OXSR1: variants seen among roughly 807,000 people sequenced by gnomAD.
OXSR1 encodes the protein serine/threonine-protein kinase OSR1.
OXSR1 carries 24 observed loss-of-function variants against 79.8 expected under a neutral mutation model. The ratio of observed to expected loss-of-function variants is 0.30; its 90% CI spans 0.22 to 0.42. OXSR1 has a LOEUF of 0.42. OXSR1 is among the 10% of genes least tolerant of loss of function. The pLI is 1.00. For missense variants in OXSR1, 430 were observed against 618.4 expected, an observed-to-expected ratio of 0.70 and a Z score of 3.23; for synonymous variants, 226 against 209.2, an observed-to-expected ratio of 1.08 and a Z score of -0.69.
chr3:38,255,044 TG>T lies in OXSR1; in HGVS notation c.*2154del, dbSNP rs1412966816. 6.6e-6 allele frequency: 1 copy of T among 152,624 alleles called. No homozygotes were observed. The highest frequency in any genetic ancestry group is 1.5e-5 in the Non-Finnish European group (1 of 68,048). 9.5% of individuals were successfully genotyped at this position (152,624 alleles called of 1,614,324 possible). A position where few individuals can be genotyped will look rare whatever the true frequency, so the allele number is the denominator to read the frequency against. Reference sequence around the variant, plus strand: ...AGACTCCCTTTGCTGGCTTGTGCAGTGATACTGAGAAAATACATGAACAGAA... The same window carrying T: ...AGACTCCCTTTGCTGGCTTGTGCAGTATACTGAGAAAATACATGAACAGAA... On this transcript the variant is annotated 3_prime_UTR_variant, in exon 18 of 18. Transcript: ENST00000311806.
At chr3:38,250,192 A>G (rs1703227421) in intron 15 of OXSR1, 174 bp downstream of exon 15, 2 of 578,004 alleles carry the variant, frequency 3.5e-6, no homozygotes, top group Non-Finnish European at 6.2e-6. Flanking sequence ...TACTAAACAC[A>G]TTTAGAAAAC....
intron 8 of OXSR1, among the ~76,000 whole-genome samples, chr3:38,228,718 A>C (rs1394683691): frequency 2.0e-5 from 3 of 152,080 alleles, no homozygotes; most frequent in Non-Finnish European, 4.4e-5. Flanking sequence ...CTACAGGCGC[A>C]CGCCACCATG....
At chr3:38,188,503 T>C (rs960427429) in intron 2 of OXSR1, among the ~76,000 whole-genome samples, 1 of 152,184 alleles carries the variant, frequency 6.6e-6, no homozygotes, top group Non-Finnish European at 1.5e-5. Context: ...CTGTTTATCA[T>C]TTCTCCATCA....
intron 2 of OXSR1, among the ~76,000 whole-genome samples, chr3:38,187,636 T>A (rs913025511): frequency 6.6e-6 from 1 of 152,136 alleles, no homozygotes; most frequent in Non-Finnish European, 1.5e-5. Context: ...TCAGAAAGCT[T>A]GAGGTGGAGA....
rs532372840 is a variant in OXSR1 at position 38,231,744 on chromosome 3, A to G, written c.951+1314A>G. On this transcript the variant is annotated intron_variant, in intron 10 of 17. Coordinates refer to ENST00000311806, the MANE Select transcript of OXSR1 (RefSeq NM_005109.3). ...TATTAATAATATGTATAAAATTTCT[A>G]TGCTTATTATTGTTTATAATAAATC... is the stretch of plus-strand genomic sequence containing the variant. 2.6e-5 allele frequency among the ~76,000 whole-genome samples: 4 copies of G among 152,254 alleles called. No individual in the cohort carries two copies. In the East Asian group the frequency reaches 5.8e-4, roughly 22 times the overall value.
At position 38,168,802 on chromosome 3, in the gene OXSR1, T is replaced by C. The variant is rs542143006; in HGVS notation, c.70+2856T>C. Among the ~76,000 whole-genome samples, 8 of 152,356 alleles carry C rather than the reference T, an allele frequency of 5.3e-5. No individual in the cohort carries two copies. The East Asian group carries it at 1.5e-3, about 29-fold the overall frequency. ...CCTTTGTGTTTGGCTTCTTTTACTT[T>C]CCATAATGCTTTTTGAGGTTCATCC... On this transcript the variant is annotated intron_variant, in intron 1 of 17. Transcript: ENST00000311806.
chr3:38,208,313 G>T (rs951398100), intron 4 of OXSR1, among the ~76,000 whole-genome samples: 4 of 152,010 alleles, frequency 2.6e-5, no homozygotes, highest in Admixed American at 6.6e-5. Flanking sequence ...GATGCTTCTC[G>T]ACTTAGGATG....
intron 4 of OXSR1, among the ~76,000 whole-genome samples, chr3:38,208,070 A>T (rs74994572): frequency 0.018 from 2,737 of 151,912 alleles, 93 homozygotes; most frequent in African/African-American, 0.063. Flanking sequence ...TAATTGAATT[A>T]TGTTAATTGC....
At chr3:38,179,576 T>A (rs532831359) in intron 1 of OXSR1, among the ~76,000 whole-genome samples, 19 of 152,194 alleles carry the variant, frequency 1.2e-4, no homozygotes, top group Non-Finnish European at 2.6e-4. Context: ...AATTCCAGAA[T>A]GTTTTCATAA....
intron 8 of OXSR1, among the ~76,000 whole-genome samples, chr3:38,227,201 A>C (rs539383677): frequency 6.6e-6 from 1 of 152,200 alleles, no homozygotes. Context: ...GAGATTATTT[A>C]CTCATCAAGT....
Position 38,254,414 on chromosome 3 carries a change from A to G in OXSR1, c.*1523A>G, listed in dbSNP as rs1019720368. The stretch of plus-strand genomic sequence containing the variant: ...GGTGCAAAGGCATGTTGGGAAAGAG[A>G]TGGATGTTGGGGAGGAAGAGAGGAG... On this transcript the variant is annotated 3_prime_UTR_variant, in exon 18 of 18. Transcript: ENST00000311806. The G allele has an allele frequency of 1.3e-5, 5 of 391,104 alleles. No homozygotes were observed. The highest frequency in any genetic ancestry group is 2.3e-5 in the Non-Finnish European group (5 of 221,870). The allele number at this position is 391,104 out of a possible 1,614,324, so 24.2% of individuals were successfully genotyped here. A position where few individuals can be genotyped will look rare whatever the true frequency, so the allele number is the denominator to read the frequency against.
chr3:38,216,549 C>A (rs527689426), intron 5 of OXSR1, among the ~76,000 whole-genome samples: 1 of 152,032 alleles, frequency 6.6e-6, no homozygotes, highest in Non-Finnish European at 1.5e-5. Flanking sequence ...GAGTATTTGT[C>A]AATTAGGAAA....
intron 4 of OXSR1, among the ~76,000 whole-genome samples, chr3:38,203,098 T>C (rs1189855606): frequency 1.3e-5 from 2 of 152,236 alleles, no homozygotes; most frequent in Non-Finnish European, 2.9e-5. Flanking sequence ...CTGGTTCCTC[T>C]TTGAAGTTCG....
At chr3:38,171,862 C>T (rs927124643) in intron 1 of OXSR1, among the ~76,000 whole-genome samples, 2 of 152,182 alleles carry the variant, frequency 1.3e-5, no homozygotes, top group Non-Finnish European at 2.9e-5. Context: ...TGTGTTGAAG[C>T]AGCTGTAAAA....
At position 38,178,618 on chromosome 3, in the gene OXSR1, A is replaced by T. The variant is rs1385326602; in HGVS notation, c.71-4385A>T. Among the ~76,000 whole-genome samples, 791 of 86,422 alleles carry T rather than the reference A, an allele frequency of 9.2e-3. 5 individuals are homozygous for T. The highest frequency in any genetic ancestry group is 0.017 in the Middle Eastern group (3 of 174). The allele number at this position is 86,422 out of a possible 152,430, so 56.7% of individuals were successfully genotyped here. A position where few individuals can be genotyped will look rare whatever the true frequency, so the allele number is the denominator to read the frequency against. The stretch of plus-strand genomic sequence containing the variant: ...CATATCCAGCTATATATATATATAT[A>T]TATTTTTTTTTTTTTTTTTTTTTCT... On this transcript the variant is annotated intron_variant, in intron 1 of 17. Coordinates refer to ENST00000311806, the MANE Select transcript of OXSR1 (RefSeq NM_005109.3).
chr3:38,193,145 G>A (rs1702013079), intron 3 of OXSR1: 2 of 490,278 alleles, frequency 4.1e-6, no homozygotes, highest in Non-Finnish European at 7.1e-6. Flanking sequence ...TAAATGAGAT[G>A]ATACATGTAA....
intron 14 of OXSR1, among the ~76,000 whole-genome samples, chr3:38,248,543 C>T (rs1022452816): frequency 6.6e-6 from 1 of 152,104 alleles, no homozygotes; most frequent in African/African-American, 2.4e-5. Context: ...CACTGAATTA[C>T]CATTAACTCA....
At position 38,253,133 on chromosome 3, in the gene OXSR1, T is replaced by G; in HGVS notation, c.*242T>G. On this transcript the variant is annotated 3_prime_UTR_variant, in exon 18 of 18. Transcript: ENST00000311806. ...GTAAACTTACTTCATATGTCCCCTGTCTTCCTCCATCTGAGAAGTGGCCCA... is the reference window on the plus strand; with the variant it reads ...GTAAACTTACTTCATATGTCCCCTGGCTTCCTCCATCTGAGAAGTGGCCCA... The G allele has an allele frequency of 2.0e-6, 1 of 499,078 alleles. No homozygotes were observed. The highest frequency in any genetic ancestry group is 3.6e-6 in the Non-Finnish European group (1 of 278,508). 30.9% of individuals were successfully genotyped at this position (499,078 alleles called of 1,614,324 possible). A position where few individuals can be genotyped will look rare whatever the true frequency, so the allele number is the denominator to read the frequency against.
chr3:38,231,356 A>G (rs1372305532), intron 10 of OXSR1, among the ~76,000 whole-genome samples: 1 of 152,100 alleles, frequency 6.6e-6, no homozygotes, highest in East Asian at 1.9e-4. Context: ...AGAAAGAAAC[A>G]TGGACAATGT....
Sources: allele counts gnomAD v4.1 joint callset (sites outside exome capture counted in the v4.1 genomes callset), GRCh38; gene constraint gnomAD v4.1.1; transcripts MANE v1.5; gene names NCBI Gene and HGNC (gene_info 2026-07-23, HGNC 2026-07-21).